The following DYM variants were observed in gnomAD, a reference collection of about 807,000 sequenced individuals.
The protein encoded by DYM is dyggve-Melchior-Clausen syndrome protein.
Under a neutral mutation model 93.1 loss-of-function variants are expected in DYM, and 78 were observed. The observed-to-expected ratio is 0.84, with a 90% CI of 0.70 to 1.01. The LOEUF is 1.01. DYM is among the 50% of genes least tolerant of loss of function. DYM has a pLI of 0.00. For missense variants in DYM, 789 were observed against 845.0 expected, an observed-to-expected ratio of 0.93 and a Z score of 0.82; for synonymous variants, 321 against 319.7, an observed-to-expected ratio of 1.00 and a Z score of -0.04.
At chr18:49,309,880 G>C (rs1241780004) in intron 8 of DYM, among the ~76,000 whole-genome samples, 1 of 152,128 alleles carries the variant, frequency 6.6e-6, no homozygotes, top group African/African-American at 2.4e-5. Context: ...TGAACCCATG[G>C]GTGCACAGAA....
At chr18:49,420,260 C>T (rs567027742) in intron 2 of DYM, among the ~76,000 whole-genome samples, 92 of 150,722 alleles carry the variant, frequency 6.1e-4, no homozygotes, top group African/African-American at 2.1e-3. Context: ...CTCTGCCGCG[C>T]GGGTTCAAGT....
intron 13 of DYM, among the ~76,000 whole-genome samples, chr18:49,228,573 A>G (rs558296741): frequency 6.6e-6 from 1 of 152,278 alleles, no homozygotes; most frequent in African/African-American, 2.4e-5. Flanking sequence ...GATTAATCTC[A>G]CAGTTGGCCA....
chr18:49,432,332 A>G (rs892956930), intron 1 of DYM, among the ~76,000 whole-genome samples: 8 of 146,346 alleles, frequency 5.5e-5, no homozygotes, highest in African/African-American at 2.1e-4. Flanking sequence ...ACTGTCTCAA[A>G]AAAAAAAAAA....
At chr18:49,206,228 G>A (rs1463789223) in intron 14 of DYM, among the ~76,000 whole-genome samples, 1 of 151,984 alleles carries the variant, frequency 6.6e-6, no homozygotes, top group Non-Finnish European at 1.5e-5. Flanking sequence ...TCGATCTCCT[G>A]ACCTTATGAT....
rs563758754 is a variant in DYM, at chr18:49,332,158, G to T, written c.621-152C>A. ...CAGAAATTGAGCACTGCACACAACA[G>T]TGAAGACCATGGGCTTTGAGAGCAA... On this transcript the variant is annotated intron_variant, in intron 7 of 17. Transcript: ENST00000675505. 3 of 791,798 alleles carry T rather than the reference G, an allele frequency of 3.8e-6. No homozygotes were observed. The East Asian group carries it at 8.1e-5, about 21-fold the overall frequency. 49.0% of individuals were successfully genotyped at this position (791,798 alleles called of 1,614,324 possible). A position where few individuals can be genotyped will look rare whatever the true frequency, so the allele number is the denominator to read the frequency against.
At chr18:49,258,781 GACACACACACACACACACACAC>G (rs61429427) in intron 11 of DYM, among the ~76,000 whole-genome samples, 1 of 112,368 alleles carries the variant, frequency 8.9e-6, no homozygotes, top group Non-Finnish European at 1.7e-5. Context: ...AGGGATCATA[GACACACACACACACACACACAC>G]ACACACACAC....
In DYM at chr18:49,209,533, A is replaced by T; in HGVS notation, c.1625+18T>A. On this transcript the variant is annotated intron_variant, in intron 14 of 17. Coordinates refer to ENST00000675505, the MANE Select transcript of DYM (RefSeq NM_001353214.3). ...ACAACATGCAGCATGCAGTAAATGG[A>T]CAGCAGAGGTTAATAACCTGGAAGC... 2 of 1,285,332 alleles carry T rather than the reference A, an allele frequency of 1.6e-6. No homozygotes were observed. The highest frequency in any genetic ancestry group is 1.0e-6 in the Non-Finnish European group (1 of 986,278). The allele number at this position is 1,285,332 out of a possible 1,614,324, so 79.6% of individuals were successfully genotyped here.
intron 8 of DYM, among the ~76,000 whole-genome samples, chr18:49,317,048 C>G (rs1244210571): frequency 6.6e-6 from 1 of 152,162 alleles, no homozygotes; most frequent in Non-Finnish European, 1.5e-5. Context: ...AAACCCTAAA[C>G]TATGGACTTT....
chr18:49,223,603 T>G (rs959871314), intron 13 of DYM, among the ~76,000 whole-genome samples: 4 of 152,096 alleles, frequency 2.6e-5, no homozygotes, highest in African/African-American at 9.7e-5. Context: ...TTAATATTCT[T>G]GAGTGGACAA....
chr18:49,320,979 G>T (rs2146587641), intron 8 of DYM: 1 of 162,108 alleles, frequency 6.2e-6, no homozygotes, highest in East Asian at 1.7e-4. Flanking sequence ...TTTACTCCAA[G>T]CATCCATTCT....
intron 15 of DYM, among the ~76,000 whole-genome samples, chr18:49,136,764 G>GA (rs1333008547): frequency 1.3e-5 from 2 of 152,134 alleles, no homozygotes; most frequent in African/African-American, 4.8e-5. Context: ...AGAAATGCAG[G>GA]AAAATGCTAT....
intron 6 of DYM, among the ~76,000 whole-genome samples, chr18:49,352,989 C>G (rs868694671): frequency 6.6e-6 from 1 of 152,030 alleles, no homozygotes; most frequent in African/African-American, 2.4e-5. Context: ...GTCATCCTGA[C>G]AGATTTTTGG....
chr18:49,296,852 T>C (rs925805842), intron 8 of DYM, among the ~76,000 whole-genome samples: 6 of 152,328 alleles, frequency 3.9e-5, no homozygotes, highest in Middle Eastern at 3.4e-3. Flanking sequence ...CTATATCTCC[T>C]ATGATCATCT....
At chr18:49,065,498 G>T (rs887872603) in intron 17 of DYM, among the ~76,000 whole-genome samples, 8 of 152,138 alleles carry the variant, frequency 5.3e-5, no homozygotes, top group African/African-American at 1.9e-4. Flanking sequence ...GAGTAGCTGG[G>T]ATTACAGGGA....
chr18:49,376,330 C>T (rs547198612), intron 5 of DYM, among the ~76,000 whole-genome samples: 3 of 152,318 alleles, frequency 2.0e-5, no homozygotes, highest in African/African-American at 7.2e-5. Flanking sequence ...TCAGTATGCT[C>T]TCAAGGATGA....
chr18:49,063,619 CT>C (rs67482709), intron 17 of DYM, among the ~76,000 whole-genome samples: 41,148 of 72,022 alleles, frequency 0.57, 11,297 homozygotes, highest in Middle Eastern at 0.67. Flanking sequence ...CTTTCTCTCT[CT>C]TTTTTTTTTT....
intron 2 of DYM, among the ~76,000 whole-genome samples, chr18:49,412,663 C>T (rs1174275145): frequency 2.0e-5 from 3 of 152,130 alleles, no homozygotes; most frequent in African/African-American, 7.2e-5. Context: ...CCAGGCCCAC[C>T]TCTACAACAG....
At chr18:49,299,870 C>T (rs9958244) in intron 8 of DYM, among the ~76,000 whole-genome samples, 24,715 of 151,032 alleles carry the variant, frequency 0.16, 2,111 homozygotes, top group East Asian at 0.28. Context: ...GGTGAAACCC[C>T]GTCTCTACTG....
chr18:49,064,888 T>C (rs957904129), intron 17 of DYM, among the ~76,000 whole-genome samples: 21 of 150,958 alleles, frequency 1.4e-4, no homozygotes, highest in African/African-American at 2.0e-4. Context: ...GTATCTAGTA[T>C]GAATTTATAG....
Sources: allele counts gnomAD v4.1 joint callset (sites outside exome capture counted in the v4.1 genomes callset), GRCh38; gene constraint gnomAD v4.1.1; transcripts MANE v1.5; gene names NCBI Gene and HGNC (gene_info 2026-07-23, HGNC 2026-07-21).